Variants in B3GALT1 observed in about 807,000 individuals in gnomAD.
The protein encoded by B3GALT1 is UDP-Gal:betaGlcNAc beta 1,3-galactosyltransferase, polypeptide 1.
A neutral mutation model predicts 23.2 loss-of-function variants in B3GALT1; 10 were observed. That is an observed-to-expected ratio of 0.43 (90% CI 0.27 to 0.73). B3GALT1 has a LOEUF of 0.73. Among genes scored for constraint, B3GALT1 ranks in the 30% least tolerant of loss-of-function variants. The probability of loss-of-function intolerance (pLI) is 0.21; values close to 1 mark genes in which losing one functional copy is unlikely to be tolerated. For synonymous variants in B3GALT1, 156 were observed against 141.5 expected (o/e 1.10, Z -0.73); for missense variants, 299 against 405.4 (o/e 0.74, Z 2.25).
intron 2 of B3GALT1, among the ~76,000 whole-genome samples, chr2:167,492,183 C>T (rs1699719984): frequency 6.6e-6 from 1 of 152,134 alleles, no homozygotes; most frequent in African/African-American, 2.4e-5. Context: ...CTTTTTACTC[C>T]CTCCATAGTT....
At chr2:167,677,490 CCT>C (rs1203642034) in intron 3 of B3GALT1, among the ~76,000 whole-genome samples, 1 of 152,168 alleles carries the variant, frequency 6.6e-6, no homozygotes, top group African/African-American at 2.4e-5. Context: ...TCCACAGGAC[CCT>C]CTTTCTCAGG....
chr2:167,772,466 A>G (rs1370703866), intron 3 of B3GALT1, among the ~76,000 whole-genome samples: 1 of 152,166 alleles, frequency 6.6e-6, no homozygotes, highest in Admixed American at 6.5e-5. Flanking sequence ...ACTGAAAATG[A>G]CTAACTCAGA....
chr2:167,743,497 CTAT>C (rs1295094656), intron 3 of B3GALT1, among the ~76,000 whole-genome samples: 1 of 151,916 alleles, frequency 6.6e-6, no homozygotes, highest in African/African-American at 2.4e-5. Context: ...TATTTGTGTG[CTAT>C]TATTTCTTTT....
chr2:167,575,341 TC>T (rs946602294), intron 2 of B3GALT1, among the ~76,000 whole-genome samples: 3 of 151,802 alleles, frequency 2.0e-5, no homozygotes, highest in African/African-American at 7.2e-5. Flanking sequence ...AGCCCATGAT[TC>T]CAGCCTACCA....
chr2:167,490,829 T>A (rs1699698324), intron 2 of B3GALT1, among the ~76,000 whole-genome samples: 1 of 152,192 alleles, frequency 6.6e-6, no homozygotes, highest in South Asian at 2.1e-4. Flanking sequence ...GGAGTTTTTC[T>A]TAGGAAAAAA....
intron 1 of B3GALT1, among the ~76,000 whole-genome samples, chr2:167,308,465 C>T (rs756971218): frequency 2.6e-5 from 4 of 151,958 alleles, no homozygotes; most frequent in African/African-American, 4.8e-5. Context: ...CTTTACTATG[C>T]TATTTTATTA....
At chr2:167,577,838 G>T (rs1165275893) in intron 2 of B3GALT1, among the ~76,000 whole-genome samples, 2 of 150,510 alleles carry the variant, frequency 1.3e-5, no homozygotes, top group Non-Finnish European at 1.5e-5. Context: ...AATTAACCTA[G>T]CTACTCTATA....
intron 2 of B3GALT1, among the ~76,000 whole-genome samples, chr2:167,568,475 C>G (rs574956434): frequency 7.2e-5 from 11 of 152,164 alleles, no homozygotes; most frequent in African/African-American, 2.4e-4. Context: ...TATGCCTTCC[C>G]TGATGACACA....
chr2:167,389,301 A>C (rs187078697), intron 1 of B3GALT1, among the ~76,000 whole-genome samples: 2 of 152,346 alleles, frequency 1.3e-5, no homozygotes, highest in East Asian at 3.9e-4. Flanking sequence ...ATGCATAGAC[A>C]TCAGTAGGTT....
chr2:167,727,159 G>A (rs1046800538), intron 3 of B3GALT1, among the ~76,000 whole-genome samples: 5 of 151,678 alleles, frequency 3.3e-5, no homozygotes, highest in East Asian at 1.9e-4. Flanking sequence ...TAGCCAAAAC[G>A]AAGGACAGTT....
At chr2:167,546,921 A>G (rs1047096438) in intron 2 of B3GALT1, among the ~76,000 whole-genome samples, 1 of 152,192 alleles carries the variant, frequency 6.6e-6, no homozygotes, top group African/African-American at 2.4e-5. Flanking sequence ...AAGGTCAGGA[A>G]GCACCCTCAT....
At chr2:167,837,137 A>T (rs937619734) in intron 4 of B3GALT1, among the ~76,000 whole-genome samples, 1 of 152,240 alleles carries the variant, frequency 6.6e-6, no homozygotes, top group Non-Finnish European at 1.5e-5. Context: ...CAAAATAACC[A>T]GCTAACATCA....
At chr2:167,629,426 C>T (rs2052981) in intron 2 of B3GALT1, among the ~76,000 whole-genome samples, 2 of 151,380 alleles carry the variant, frequency 1.3e-5, no homozygotes, top group African/African-American at 2.4e-5. Flanking sequence ...AGAGTTCCAG[C>T]GCACACAACT....
intron 2 of B3GALT1, among the ~76,000 whole-genome samples, chr2:167,610,372 G>A (rs1039196207): frequency 3.9e-5 from 6 of 152,036 alleles, no homozygotes; most frequent in African/African-American, 1.2e-4. Context: ...TGGAAAACAT[G>A]TTCCTTGTAG....
chr2:167,543,113 T>C (rs570027141), intron 2 of B3GALT1, among the ~76,000 whole-genome samples: 10 of 152,280 alleles, frequency 6.6e-5, no homozygotes, highest in African/African-American at 2.2e-4. Flanking sequence ...CTCAGCTCAG[T>C]CAATAACAGA....
intron 1 of B3GALT1, among the ~76,000 whole-genome samples, chr2:167,451,492 G>A (rs1699089906): frequency 6.6e-6 from 1 of 152,160 alleles, no homozygotes; most frequent in Admixed American, 6.5e-5. Flanking sequence ...CAGCAAGGCT[G>A]CCAGGCTCCA....
chr2:167,532,957 G>A (rs901156292), intron 2 of B3GALT1, among the ~76,000 whole-genome samples: 1 of 150,798 alleles, frequency 6.6e-6, no homozygotes, highest in South Asian at 2.1e-4. Flanking sequence ...CACCTCGTGG[G>A]TTCAAGCGAT....
chr2:167,648,400 T>C (rs914575724), intron 3 of B3GALT1, among the ~76,000 whole-genome samples: 10 of 152,112 alleles, frequency 6.6e-5, no homozygotes, highest in African/African-American at 2.2e-4. Context: ...CTGTCTCATG[T>C]ATCCCCTTTC....
rs115479392 is a variant in B3GALT1 at position 167,550,316 on chromosome 2, G to A, written c.-410+60039G>A. ...GTGAGGGAAGTGGTGGAGTTTAAAGGATACACTCTAGACTTTGTGACCTAA... is the reference window on the plus strand; with the variant it reads ...GTGAGGGAAGTGGTGGAGTTTAAAGAATACACTCTAGACTTTGTGACCTAA... On this transcript the variant is annotated intron_variant, in intron 2 of 4. Transcript: ENST00000392690. 7.7e-3 allele frequency among the ~76,000 whole-genome samples: 1,174 copies of A among 152,260 alleles called. 9 individuals are homozygous for A. The highest frequency in any genetic ancestry group is 0.012 in the Non-Finnish European group (839 of 68,020).
Sources: gnomAD v4.1 joint callset for allele counts (sites outside exome capture counted in the v4.1 genomes callset) on GRCh38, gnomAD v4.1.1 for gene constraint, MANE v1.5 for transcripts, NCBI Gene and HGNC (gene_info 2026-07-23, HGNC 2026-07-21) for gene names.